The following CFAP36 variants were observed in gnomAD, a reference collection of about 807,000 sequenced individuals.
The protein encoded by CFAP36 is cilia- and flagella-associated protein 36.
A neutral mutation model predicts 50.5 loss-of-function variants in CFAP36; 37 were observed. The ratio of observed to expected loss-of-function variants is 0.73; its 90% CI spans 0.56 to 0.96. CFAP36 has a LOEUF of 0.96. CFAP36 is among the 50% of genes least tolerant of loss of function. The pLI is 0.00. For missense variants in CFAP36, 407 were observed against 396.2 expected, an observed-to-expected ratio of 1.03 and a Z score of -0.23; for synonymous variants, 138 against 128.2, an observed-to-expected ratio of 1.08 and a Z score of -0.52.
chr2:55,525,632 C>CTT (rs35228412), intron 3 of CFAP36, among the ~76,000 whole-genome samples: 9 of 149,988 alleles, frequency 6.0e-5, no homozygotes, highest in South Asian at 2.1e-4. Flanking sequence ...AACTTGCTCT[C>CTT]TTTTTTTTTT....
At chr2:55,521,711 C>T (rs574061656) in intron 1 of CFAP36, among the ~76,000 whole-genome samples, 5 of 151,220 alleles carry the variant, frequency 3.3e-5, no homozygotes, top group Admixed American at 2.6e-4. Flanking sequence ...CTCACTGCAA[C>T]CTCCGCCTCC....
At chr2:55,538,470 A>G (rs975114683) in intron 7 of CFAP36, among the ~76,000 whole-genome samples, 7 of 151,502 alleles carry the variant, frequency 4.6e-5, no homozygotes, top group African/African-American at 1.7e-4. Context: ...AATTTTATAT[A>G]TTTAGTAGAG....
intron 2 of CFAP36, 46 bp downstream of exon 2, chr2:55,522,212 C>T (rs1345936089): frequency 2.2e-6 from 2 of 914,536 alleles, no homozygotes; most frequent in South Asian, 1.7e-5. Context: ...TAGGCTAATA[C>T]TACTTATAGC....
chr2:55,527,998 C>A (rs1338274713), intron 3 of CFAP36, among the ~76,000 whole-genome samples: 4 of 151,552 alleles, frequency 2.6e-5, no homozygotes, highest in Non-Finnish European at 5.9e-5. Flanking sequence ...GGTGAAACTC[C>A]AACTCTATAA....
At chr2:55,544,780 ATGTC>A (rs1684728178) in intron 9 of CFAP36, 123 bp from the exon 10 acceptor site, 3 of 634,324 alleles carry the variant, frequency 4.7e-6, no homozygotes, top group Non-Finnish European at 8.4e-6. Flanking sequence ...AACCTAGTCT[ATGTC>A]TGTCTCTCCC....
At chr2:55,524,422 ATTTTTTTTT>A (rs57908457) in intron 3 of CFAP36, among the ~76,000 whole-genome samples, 3 of 99,366 alleles carry the variant, frequency 3.0e-5, no homozygotes, top group Non-Finnish European at 5.6e-5. Context: ...CACATGGCTA[ATTTTTTTTT>A]TTTTTTTTTT....
intron 2 of CFAP36, 45 bp downstream of exon 2, chr2:55,522,211 A>G (rs1255532783): frequency 1.0e-6 from 1 of 971,500 alleles, no homozygotes; most frequent in South Asian, 1.6e-5. Flanking sequence ...TTAGGCTAAT[A>G]CTACTTATAG....
chr2:55,544,788 C>T (rs1048582366), intron 9 of CFAP36, 119 bp from the exon 10 acceptor site: 1 of 642,350 alleles, frequency 1.6e-6, no homozygotes. Flanking sequence ...CTATGTCTGT[C>T]TCTCCCTCCG....
chr2:55,528,010 A>T (rs1684254230), intron 3 of CFAP36, among the ~76,000 whole-genome samples: 1 of 151,756 alleles, frequency 6.6e-6, no homozygotes. Flanking sequence ...ACTCTATAAA[A>T]TACAAAAAAA....
Position 55,528,998 on chromosome 2 carries a change from AT to A in CFAP36, c.397+7del. 6.3e-7 allele frequency: 1 copy of A among 1,589,538 alleles called. No individual in the cohort carries two copies. The highest frequency in any genetic ancestry group is 8.6e-7 in the Non-Finnish European group (1 of 1,164,754). ...AATAATTCAAGAGAGAAATGGTAAA[AT>A]GTTGAAGTTAGAAATCTAAGTACTA... On this transcript the variant is annotated splice_region_variant and intron_variant, in intron 4 of 9. Coordinates refer to ENST00000349456, the MANE Select transcript of CFAP36 (RefSeq NM_080667.7).
intron 4 of CFAP36, among the ~76,000 whole-genome samples, chr2:55,531,840 T>C (rs192951710): frequency 8.0e-4 from 122 of 152,280 alleles, no homozygotes; most frequent in African/African-American, 2.4e-3. Context: ...TCTCCTGGGA[T>C]TGGGGAGGGC....
intron 7 of CFAP36, chr2:55,538,839 T>A: frequency 6.5e-7 from 1 of 1,535,612 alleles, no homozygotes. Flanking sequence ...TACCTTGGTC[T>A]TCTGACACTA....
At chr2:55,523,229 G>A (rs1684118886) in intron 2 of CFAP36, among the ~76,000 whole-genome samples, 1 of 149,752 alleles carries the variant, frequency 6.7e-6, no homozygotes, top group Admixed American at 6.8e-5. Flanking sequence ...TGACCAACAT[G>A]GTGCAACGCC....
chr2:55,530,917 A>C (rs555790321), intron 4 of CFAP36: 56 of 152,314 alleles, frequency 3.7e-4, no homozygotes, highest in Admixed American at 1.2e-3. Flanking sequence ...GGAACATGCA[A>C]CAATAGGGCT....
chr2:55,522,676 G>A (rs1684102349), intron 2 of CFAP36, among the ~76,000 whole-genome samples: 1 of 152,070 alleles, frequency 6.6e-6, no homozygotes, highest in Non-Finnish European at 1.5e-5. Flanking sequence ...TGTAGAGATG[G>A]CGTTTCTCTG....
At chr2:55,529,167 A>T (rs1684288307) in intron 4 of CFAP36, among the ~76,000 whole-genome samples, 175 bp downstream of exon 4, 1 of 152,128 alleles carries the variant, frequency 6.6e-6, no homozygotes, top group Non-Finnish European at 1.5e-5. Context: ...CACGCCTGTA[A>T]TCACAGCACT....
At chr2:55,541,760 G>A (rs1055073547) in intron 7 of CFAP36, among the ~76,000 whole-genome samples, 1 of 152,110 alleles carries the variant, frequency 6.6e-6, no homozygotes, top group Non-Finnish European at 1.5e-5. Flanking sequence ...AGGTGAGAGA[G>A]GGGACATTTT....
intron 7 of CFAP36, chr2:55,538,810 C>A (rs1684561081): frequency 6.5e-7 from 1 of 1,542,576 alleles, no homozygotes; most frequent in South Asian, 1.2e-5. Flanking sequence ...CCGAACTCTT[C>A]AATGGTGAAA....
chr2:55,529,673 G>A (rs1331247914), intron 4 of CFAP36, among the ~76,000 whole-genome samples: 1 of 142,106 alleles, frequency 7.0e-6, no homozygotes, highest in African/African-American at 2.6e-5. Context: ...TTGAGACGGA[G>A]TCTCGCTCTG....
Sources: allele counts gnomAD v4.1 joint callset (sites outside exome capture counted in the v4.1 genomes callset), GRCh38; gene constraint gnomAD v4.1.1; transcripts MANE v1.5; gene names NCBI Gene and HGNC (gene_info 2026-07-23, HGNC 2026-07-21).